The following CHIC1 variants were observed in gnomAD, a reference collection of about 807,000 sequenced individuals.
The protein encoded by CHIC1 is cysteine-rich hydrophobic domain-containing protein 1.
CHIC1 carries 7 observed loss-of-function variants against 18.5 expected under a neutral mutation model. The observed-to-expected ratio is 0.38, with a 90% CI of 0.22 to 0.71. CHIC1 has a LOEUF of 0.71. Ranked by LOEUF, CHIC1 falls within the 30% of genes least tolerant of loss-of-function variation. CHIC1 has a pLI of 0.49. For missense variants in CHIC1, 159 were observed against 176.9 expected, an observed-to-expected ratio of 0.90 and a Z score of 0.57; for synonymous variants, 77 against 73.5, an observed-to-expected ratio of 1.05 and a Z score of -0.25.
chrX:73,630,244 T>G (rs1193438594), intron 3 of CHIC1, among the ~76,000 whole-genome samples: 1 of 111,545 alleles, frequency 9.0e-6, no homozygotes, highest in Non-Finnish European at 1.9e-5. Context: ...TTAATTTTAA[T>G]TAACTTATTT....
At chrX:73,583,604 G>A (rs1375385821) in intron 2 of CHIC1, among the ~76,000 whole-genome samples, 3 of 111,193 alleles carry the variant, frequency 2.7e-5, no homozygotes, top group Non-Finnish European at 1.9e-5. Context: ...TTCACTGAAA[G>A]CAAACTATTT....
At chrX:73,675,395 A>C (rs978642494) in intron 3 of CHIC1, among the ~76,000 whole-genome samples, 3 of 111,494 alleles carry the variant, frequency 2.7e-5, no homozygotes, top group Admixed American at 9.5e-5. Flanking sequence ...TAAGGACTTG[A>C]TTTATGAATC....
chrX:73,577,060 A>G (rs1257749446), intron 1 of CHIC1, among the ~76,000 whole-genome samples: 2 of 110,329 alleles, frequency 1.8e-5, no homozygotes, highest in Non-Finnish European at 3.8e-5. Flanking sequence ...TCCAGCTCCA[A>G]CAGTTATCAA....
chrX:73,658,027 G>C (rs963123884), intron 3 of CHIC1, among the ~76,000 whole-genome samples: 1 of 110,892 alleles, frequency 9.0e-6, no homozygotes, highest in Non-Finnish European at 1.9e-5. Context: ...CCAGTATTTT[G>C]TTGAGGATTT....
chrX:73,609,155 TAA>T (rs767979296), intron 3 of CHIC1, among the ~76,000 whole-genome samples: 36 of 89,259 alleles, frequency 4.0e-4, no homozygotes, highest in African/African-American at 5.1e-4. Context: ...ACACCATCTC[TAA>T]AAAAAAAAAA....
chrX:73,585,530 TA>T (rs1040812545), intron 3 of CHIC1, among the ~76,000 whole-genome samples: 5 of 109,343 alleles, frequency 4.6e-5, no homozygotes, highest in African/African-American at 1.7e-4. Flanking sequence ...TTTCTATAAA[TA>T]AAAAAAAAGC....
chrX:73,599,881 T>C (rs1454976813), intron 3 of CHIC1, among the ~76,000 whole-genome samples: 1 of 100,781 alleles, frequency 9.9e-6, no homozygotes, highest in Non-Finnish European at 2.0e-5. Context: ...AAGTCATTGG[T>C]AGCTTGATGG....
intron 3 of CHIC1, among the ~76,000 whole-genome samples, chrX:73,611,262 A>G (rs745481611): frequency 4.6e-5 from 5 of 107,979 alleles, no homozygotes; most frequent in Admixed American, 3.9e-4. Flanking sequence ...GAGTGAGAAC[A>G]TGCGGTGTTT....
chrX:73,643,266 G>A (rs1339076072), intron 3 of CHIC1, among the ~76,000 whole-genome samples: 2 of 109,966 alleles, frequency 1.8e-5, no homozygotes, highest in African/African-American at 6.6e-5. Flanking sequence ...TCCCTTTGTG[G>A]GTAACCCGAC....
intron 3 of CHIC1, among the ~76,000 whole-genome samples, chrX:73,663,520 G>A (rs1167126523): frequency 2.7e-5 from 3 of 110,802 alleles, no homozygotes; most frequent in African/African-American, 9.8e-5. Context: ...ATTGCAACAT[G>A]TTAGGGGGCA....
intron 2 of CHIC1, chrX:73,578,580 A>G (rs1296830762): frequency 2.7e-5 from 3 of 110,455 alleles, no homozygotes; most frequent in Non-Finnish European, 5.8e-5. Context: ...CAGGCTTTTT[A>G]TTCTATTGTA....
rs747793335 is a variant in CHIC1 at position 73,679,328 on chromosome X, C to T, written c.510C>T (p.Thr170=). 7.1e-5 allele frequency: 81 copies of T among 1,135,241 alleles called. No homozygotes were observed. The highest frequency in any genetic ancestry group is 9.3e-5 in the Non-Finnish European group (77 of 832,374). The allele number at this position is 1,135,241 out of a possible 1,213,427, so 93.6% of individuals were successfully genotyped here. ...LWPVICLNKR[T]RRSIQKLIEW... ...AAAGTCTTGATCATTTTTCTTAGAC[C>T]AGAAGATCAATTCAGAAGTTAATAG... The change falls in exon 4 of 6, where the codon ACC becomes ACT. Residue 170 remains threonine (T), a splice_region_variant and synonymous_variant. Transcript: ENST00000373502.
At chrX:73,673,119 T>C (rs1428621630) in intron 3 of CHIC1, among the ~76,000 whole-genome samples, 3 of 112,006 alleles carry the variant, frequency 2.7e-5, no homozygotes, top group Non-Finnish European at 3.8e-5. Context: ...ATCTGTTTTG[T>C]TACCAGTACC....
At chrX:73,652,450 A>G (rs1410272699) in intron 3 of CHIC1, among the ~76,000 whole-genome samples, 2 of 112,348 alleles carry the variant, frequency 1.8e-5, no homozygotes, top group East Asian at 2.8e-4. Flanking sequence ...TGAACAGGCA[A>G]CCTACAGAAT....
chrX:73,610,010 A>G (rs1238846812), intron 3 of CHIC1, among the ~76,000 whole-genome samples: 3 of 107,884 alleles, frequency 2.8e-5, no homozygotes, highest in African/African-American at 1.1e-4. Context: ...GTTTATACCT[A>G]TTAAACAACA....
intron 3 of CHIC1, among the ~76,000 whole-genome samples, chrX:73,672,280 A>G (rs1485294619): frequency 2.7e-5 from 3 of 111,804 alleles, no homozygotes; most frequent in Non-Finnish European, 3.8e-5. Context: ...TTGGGTATAT[A>G]CCCAGTAATG....
chrX:73,577,468 G>A lies in CHIC1; in HGVS notation c.351+7G>A. ...CTCCGTTCTAACAGGGAAGGTAAGT[G>A]AGAATTTGCTTTGAACTTTTCAGTT... On this transcript the variant is annotated splice_region_variant and intron_variant, in intron 2 of 5. Coordinates refer to ENST00000373502, the MANE Select transcript of CHIC1 (RefSeq NM_001039840.4). 1 of 1,173,969 alleles carries A rather than the reference G, an allele frequency of 8.5e-7. No individual in the cohort carries two copies. The highest frequency in any genetic ancestry group is 1.8e-5 in the South Asian group (1 of 55,564).
chrX:73,664,057 G>A (rs762070964), intron 3 of CHIC1, among the ~76,000 whole-genome samples: 1 of 110,999 alleles, frequency 9.0e-6, no homozygotes, highest in Non-Finnish European at 1.9e-5. Flanking sequence ...GTCCAGTCCT[G>A]TGCTCCCAGT....
intron 3 of CHIC1, among the ~76,000 whole-genome samples, chrX:73,642,670 T>G (rs758339315): frequency 1.8e-5 from 2 of 110,561 alleles, no homozygotes; most frequent in Admixed American, 1.9e-4. Flanking sequence ...GTTTAAGTCT[T>G]TAATCCATCT....
Sources: gnomAD v4.1 joint callset for allele counts (sites outside exome capture counted in the v4.1 genomes callset) on GRCh38, gnomAD v4.1.1 for gene constraint, MANE v1.5 for transcripts, NCBI Gene and HGNC (gene_info 2026-07-23, HGNC 2026-07-21) for gene names.